Variants in PTPRG observed in about 807,000 individuals in gnomAD.
PTPRG encodes receptor-type tyrosine-protein phosphatase gamma.
A neutral mutation model predicts 165.3 loss-of-function variants in PTPRG; 102 were observed. The observed-to-expected ratio is 0.62, with a 90% CI of 0.53 to 0.73. The LOEUF is 0.73. Ranked by LOEUF, PTPRG falls within the 30% of genes least tolerant of loss-of-function variation. PTPRG has a pLI of 0.00. For synonymous variants in PTPRG, 675 were observed against 669.5 expected (o/e 1.01, Z -0.13); for missense variants, 1,866 against 1,861.4 (o/e 1.00, Z -0.05).
chr3:62,136,041 T>G (rs1304961396), intron 6 of PTPRG, among the ~76,000 whole-genome samples: 2 of 152,136 alleles, frequency 1.3e-5, no homozygotes, highest in African/African-American at 2.4e-5. Flanking sequence ...TCACAGCAGC[T>G]TGTCTCTGAA....
intron 1 of PTPRG, among the ~76,000 whole-genome samples, chr3:61,630,937 T>A (rs1260272686): frequency 6.6e-6 from 1 of 151,834 alleles, no homozygotes; most frequent in African/African-American, 2.4e-5. Context: ...GCGCCTGTAG[T>A]CCCAGCTACT....
intron 1 of PTPRG, among the ~76,000 whole-genome samples, chr3:61,745,874 G>A (rs192924328): frequency 2.5e-4 from 38 of 152,302 alleles, no homozygotes; most frequent in Admixed American, 2.1e-3. Context: ...TAAAGCATAC[G>A]ATGGGTGTCA....
chr3:62,054,101 C>T (rs1056711896), intron 4 of PTPRG, among the ~76,000 whole-genome samples: 4 of 152,260 alleles, frequency 2.6e-5, no homozygotes, highest in African/African-American at 9.6e-5. Context: ...TACTGACTTC[C>T]ATCCTCTTCT....
At chr3:61,780,108 G>T (rs1490801981) in intron 2 of PTPRG, among the ~76,000 whole-genome samples, 2 of 152,184 alleles carry the variant, frequency 1.3e-5, no homozygotes, top group Admixed American at 1.3e-4. Context: ...AAGCTTCATT[G>T]CCAGACGTGG....
Position 62,003,386 on chromosome 3 carries a change from A to T in PTPRG, c.408A>T (p.Gly136=). ...ILLKDDYFVS[G]AGLPGRFKAE... ...TGAAAGACGACTATTTTGTCAGTGGAGCTGGTCTACCTGGCAGATTCAAAG... is the reference window on the plus strand; with the variant it reads ...TGAAAGACGACTATTTTGTCAGTGGTGCTGGTCTACCTGGCAGATTCAAAG... The change falls in exon 4 of 30, where the codon GGA becomes GGT. Residue 136 remains glycine, a synonymous_variant. Transcript: ENST00000474889. 6.2e-7 allele frequency: 1 copy of T among 1,613,998 alleles called. No homozygotes were observed. The highest frequency in any genetic ancestry group is 8.5e-7 in the Non-Finnish European group (1 of 1,179,924).
chr3:62,212,607 A>T (rs982113660), intron 12 of PTPRG, among the ~76,000 whole-genome samples: 3 of 152,172 alleles, frequency 2.0e-5, no homozygotes, highest in African/African-American at 7.2e-5. Flanking sequence ...CAGGCTGGCC[A>T]GAGTGAGCTT....
At chr3:62,160,885 T>TTTTG (rs1452272876) in intron 7 of PTPRG, among the ~76,000 whole-genome samples, 223 of 144,692 alleles carry the variant, frequency 1.5e-3, no homozygotes, top group African/African-American at 5.5e-3. Context: ...TTTTTTTTTT[T>TTTTG]TTTCTGACAG....
At chr3:62,028,406 A>G (rs1194960490) in intron 4 of PTPRG, among the ~76,000 whole-genome samples, 3 of 152,218 alleles carry the variant, frequency 2.0e-5, no homozygotes, top group African/African-American at 7.2e-5. Context: ...GCATGACCAA[A>G]CACATTATGA....
chr3:62,255,112 T>G lies in PTPRG; in HGVS notation c.2468-12T>G. The G allele has an allele frequency of 6.2e-7, 1 of 1,603,094 alleles. No homozygotes were observed. The highest frequency in any genetic ancestry group is 8.5e-7 in the Non-Finnish European group (1 of 1,172,564). On this transcript the variant is annotated splice_polypyrimidine_tract_variant and intron_variant, in intron 15 of 29. Coordinates refer to ENST00000474889, the MANE Select transcript of PTPRG (RefSeq NM_002841.4). This position sits in a 1 kb window ranked among gnomAD's most constrained non-coding sequence, Gnocchi z 4.0. Reference sequence around the variant, plus strand: ...TTCTATGTAACTTTGAATATTATTTTATTCCCCCCAGATGACATGGAAGCC... The same window carrying G: ...TTCTATGTAACTTTGAATATTATTTGATTCCCCCCAGATGACATGGAAGCC...
At chr3:62,161,016 G>A (rs1704739128) in intron 7 of PTPRG, among the ~76,000 whole-genome samples, 1 of 151,956 alleles carries the variant, frequency 6.6e-6, no homozygotes, top group African/African-American at 2.4e-5. Flanking sequence ...AAACTGCCTG[G>A]GTTCCATTTA....
Position 62,254,682 on chromosome 3 carries a change from GAACT to G in PTPRG, c.2468-441_2468-438del, listed in dbSNP as rs1289350949. Among the ~76,000 whole-genome samples the G allele has an allele frequency of 1.5e-4, 23 of 151,900 alleles. No individual in the cohort carries two copies. In the South Asian group the frequency reaches 4.0e-3, roughly 26 times the overall value. ...CTTAAAACTTATAAGATTGGAAATA[GAACT>G]TAATTGCTTAAAGTTCAAGCTGGAC... On this transcript the variant is annotated intron_variant, in intron 15 of 29. Coordinates refer to ENST00000474889, the MANE Select transcript of PTPRG (RefSeq NM_002841.4). This position sits in a 1 kb window ranked among gnomAD's most constrained non-coding sequence, Gnocchi z 4.6.
intron 2 of PTPRG, among the ~76,000 whole-genome samples, chr3:61,889,941 A>G (rs926885762): frequency 6.6e-6 from 1 of 152,336 alleles, no homozygotes; most frequent in African/African-American, 2.4e-5. Flanking sequence ...GAAACGGATG[A>G]TGGGGGGCAT....
At chr3:61,798,695 T>A (rs1357293641) in intron 2 of PTPRG, among the ~76,000 whole-genome samples, 1 of 151,612 alleles carries the variant, frequency 6.6e-6, no homozygotes, top group Non-Finnish European at 1.5e-5. Context: ...GGACCCTTAG[T>A]GAAGGTCTTG....
chr3:61,907,707 T>G (rs1355225767), intron 2 of PTPRG, among the ~76,000 whole-genome samples: 1 of 152,188 alleles, frequency 6.6e-6, no homozygotes, highest in African/African-American at 2.4e-5. Flanking sequence ...CTTGGTTGCT[T>G]TGATCTTATC....
intron 4 of PTPRG, among the ~76,000 whole-genome samples, chr3:62,014,598 G>A (rs564773525): frequency 6.6e-6 from 1 of 152,184 alleles, no homozygotes; most frequent in Non-Finnish European, 1.5e-5. Context: ...GGAATTTTCT[G>A]AGTTCATGCC....
At chr3:62,191,246 C>T (rs1474892304) in intron 8 of PTPRG, among the ~76,000 whole-genome samples, 4 of 146,710 alleles carry the variant, frequency 2.7e-5, no homozygotes, top group Non-Finnish European at 4.5e-5. Flanking sequence ...CCCTTGCACA[C>T]GTGTGTGTGC....
chr3:61,663,405 C>T (rs1458422229), intron 1 of PTPRG, among the ~76,000 whole-genome samples: 1 of 152,060 alleles, frequency 6.6e-6, no homozygotes, highest in African/African-American at 2.4e-5. Context: ...CTTTTTAAGC[C>T]TCAATATCCT....
intron 4 of PTPRG, among the ~76,000 whole-genome samples, chr3:62,071,681 G>A (rs1701215292): frequency 6.6e-6 from 1 of 152,124 alleles, no homozygotes; most frequent in Non-Finnish European, 1.5e-5. Context: ...CCTGCCAATT[G>A]GAAGGAAGCA....
intron 2 of PTPRG, among the ~76,000 whole-genome samples, chr3:61,841,574 C>A (rs761503067): frequency 6.6e-6 from 1 of 151,926 alleles, no homozygotes; most frequent in African/African-American, 2.4e-5. Flanking sequence ...ACTTAGCCCT[C>A]GTCCACCACC....
Sources: gnomAD v4.1 joint callset for allele counts (sites outside exome capture counted in the v4.1 genomes callset) on GRCh38, gnomAD v4.1.1 for gene constraint, Gnocchi (gnomAD v3.1) non-coding constraint, MANE v1.5 for transcripts, NCBI Gene and HGNC (gene_info 2026-07-23, HGNC 2026-07-21) for gene names.